The following SLC38A10 variants were observed in gnomAD, a reference collection of about 807,000 sequenced individuals.
SLC38A10 encodes the protein Sodium-coupled neutral amino acid transporter 10.
A neutral mutation model predicts 81.0 loss-of-function variants in SLC38A10; 53 were observed. The observed-to-expected ratio is 0.65, with a 90% confidence interval of 0.53 to 0.82. SLC38A10 has a LOEUF of 0.82. Ranked by LOEUF, SLC38A10 falls within the 40% of genes least tolerant of loss-of-function variation. SLC38A10 has a pLI of 0.00. For missense variants in SLC38A10, 1,471 were observed against 1,545.0 expected, an observed-to-expected ratio of 0.95 and a Z score of 0.80; for synonymous variants, 665 against 655.3, an observed-to-expected ratio of 1.01 and a Z score of -0.23.
chr17:81,270,908 C>T lies in SLC38A10; in HGVS notation c.1131+10G>A. 1 of 1,612,748 alleles carries T rather than the reference C, an allele frequency of 6.2e-7. No individual in the cohort carries two copies. The highest frequency in any genetic ancestry group is 8.5e-7 in the Non-Finnish European group (1 of 1,178,978). On this transcript the variant is annotated intron_variant, in intron 10 of 15. Transcript: ENST00000374759. The surrounding 1 kb of genome is among the most constrained non-coding windows in gnomAD (Gnocchi z 4.0). ...GCCCTCGTCCAGGCCACCCCACGAG[C>T]AGCACGCACCTGGGAGGAAAGTGCG...
chr17:81,252,126 C>T (rs2062921137), intron 13 of SLC38A10, 69 bp downstream of exon 13: 1 of 1,483,114 alleles, frequency 6.7e-7, no homozygotes, highest in Non-Finnish European at 8.9e-7. Context: ...ATCGATTCTG[C>T]TGCCCCTGCC....
Position 81,289,996 on chromosome 17 carries a change from C to T in SLC38A10, c.100-188G>A, listed in dbSNP as rs2063298052. On this transcript the variant is annotated intron_variant, in intron 1 of 15. Coordinates refer to ENST00000374759, the MANE Select transcript of SLC38A10 (RefSeq NM_001037984.3). The surrounding 1 kb of genome is among the most constrained non-coding windows in gnomAD (Gnocchi z 5.9). ...TTGCTGTGGTGGCCGCGCGCCTTGT[C>T]CAGGGATGAAGCTGTATGCGCAGAG... Among the ~76,000 whole-genome samples, 1 of 152,192 alleles carries T rather than the reference C, an allele frequency of 6.6e-6. No homozygotes were observed. Among genetic ancestry groups the T allele is most frequent in the South Asian group, 2.1e-4 (1 of 4,832 alleles).
rs1450453659 is a variant in SLC38A10 at position 81,270,847 on chromosome 17, C to G, written c.1131+71G>C. The G allele has an allele frequency of 7.5e-6, 10 of 1,342,038 alleles. No individual in the cohort carries two copies. Among genetic ancestry groups the G allele is most frequent in the Middle Eastern group, 2.0e-4 (1 of 5,080 alleles). The allele number at this position is 1,342,038 out of a possible 1,614,324, so 83.1% of individuals were successfully genotyped here. A position where few individuals can be genotyped will look rare whatever the true frequency, so the allele number is the denominator to read the frequency against. ...CTGAAAACGCTGAACCAGGGGCTTCCTCCCGCCTCCACCTCTCCCCAGCCC... is the reference window on the plus strand; with the variant it reads ...CTGAAAACGCTGAACCAGGGGCTTCGTCCCGCCTCCACCTCTCCCCAGCCC... On this transcript the variant is annotated intron_variant, in intron 10 of 15. Transcript: ENST00000374759. This position sits in a 1 kb window ranked among gnomAD's most constrained non-coding sequence, Gnocchi z 4.0.
rs1424256211 is a variant in SLC38A10, at chr17:81,286,503, C to T, written c.218-1608G>A. Among the ~76,000 whole-genome samples, 1 of 152,222 alleles carries T rather than the reference C, an allele frequency of 6.6e-6. No homozygotes were observed. Among genetic ancestry groups the T allele is most frequent in the African/African-American group, 2.4e-5 (1 of 41,438 alleles). On this transcript the variant is annotated intron_variant, in intron 2 of 15. Coordinates refer to ENST00000374759, the MANE Select transcript of SLC38A10 (RefSeq NM_001037984.3). The surrounding 1 kb of genome is among the most constrained non-coding windows in gnomAD (Gnocchi z 6.0). ...ACTTCTCCTCCCCAGGTTCAAACAC[C>T]AGCCCCAGTTGGACTGACCCCACTC...
At chr17:81,262,535 A>T (rs1246033243) in intron 10 of SLC38A10, among the ~76,000 whole-genome samples, 2 of 152,232 alleles carry the variant, frequency 1.3e-5, no homozygotes, top group Non-Finnish European at 2.9e-5. Flanking sequence ...CTGAGGGTGG[A>T]CAGAAATGAC....
rs1292510679 is a variant in SLC38A10 at position 81,288,122 on chromosome 17, C to T, written c.217+1569G>A. On this transcript the variant is annotated intron_variant, in intron 2 of 15. Transcript: ENST00000374759. This position sits in a 1 kb window ranked among gnomAD's most constrained non-coding sequence, Gnocchi z 5.4. ...CATCAGGAAGGGAGGAGAAGGAATA[C>T]ATCCCCTCCGGTTCTGAGGGCCGAA... Among the ~76,000 whole-genome samples, 2 of 152,232 alleles carry T rather than the reference C, an allele frequency of 1.3e-5. No individual in the cohort carries two copies. The highest frequency in any genetic ancestry group is 2.9e-5 in the Non-Finnish European group (2 of 68,040).
chr17:81,262,592 C>T (rs540208681), intron 10 of SLC38A10, among the ~76,000 whole-genome samples: 2 of 152,336 alleles, frequency 1.3e-5, no homozygotes, highest in Non-Finnish European at 2.9e-5. Context: ...ACTTGGACTT[C>T]CCATAACACC....
At chr17:81,271,605 C>T (rs555484396) in intron 9 of SLC38A10, among the ~76,000 whole-genome samples, 1 of 152,256 alleles carries the variant, frequency 6.6e-6, no homozygotes, top group South Asian at 2.1e-4. Flanking sequence ...AATGCATCAC[C>T]AAAATCAGAA....
Position 81,288,073 on chromosome 17 carries a change from A to G in SLC38A10, c.217+1618T>C, listed in dbSNP as rs1302847249. On this transcript the variant is annotated intron_variant, in intron 2 of 15. Transcript: ENST00000374759. This position sits in a 1 kb window ranked among gnomAD's most constrained non-coding sequence, Gnocchi z 5.4. ...CTTCACTTCCTCAAATAACAACAAG[A>G]AAAGACTCTGACAGCACCATTCTCA... Among the ~76,000 whole-genome samples the G allele has an allele frequency of 1.3e-5, 2 of 152,206 alleles. No individual in the cohort carries two copies. Among genetic ancestry groups the G allele is most frequent in the Non-Finnish European group, 2.9e-5 (2 of 68,032 alleles).
chr17:81,274,587 C>T (rs1251707424), intron 8 of SLC38A10, among the ~76,000 whole-genome samples: 1 of 152,200 alleles, frequency 6.6e-6, no homozygotes. Flanking sequence ...GGGCAGAGCT[C>T]CCAAGGGGAG....
intron 5 of SLC38A10, among the ~76,000 whole-genome samples, chr17:81,280,940 C>A (rs1268732017): frequency 6.6e-6 from 1 of 152,088 alleles, no homozygotes; most frequent in East Asian, 1.9e-4. Context: ...GGATTCCCAA[C>A]CCCTGCCTCA....
In SLC38A10 at chr17:81,272,600, C is replaced by T; in HGVS notation, c.940G>A (p.Gly314Ser). 1 of 1,559,630 alleles carries T rather than the reference C, an allele frequency of 6.4e-7. No individual in the cohort carries two copies. Among genetic ancestry groups the T allele is most frequent in the Non-Finnish European group, 8.6e-7 (1 of 1,158,036 alleles). The change falls in exon 9 of 16, where the codon GGC becomes AGC. Residue 314 changes from glycine (G) to serine (S), a missense_variant. Gly to Ser is a moderately conservative substitution (Grantham distance 56). Around this residue, in one of 2 missense-constraint regions of SLC38A10, gnomAD observed 720 missense variants for 827.7 expected, o/e 0.87. Coordinates refer to ENST00000374759, the MANE Select transcript of SLC38A10 (RefSeq NM_001037984.3). ...TTAAACCGGAGAGGGGGCATGTAGC[C>T]CCCTGCTGCAAAGGTGCCATCTTTT... ...QQKDGTFAAG[G>S]YMPPLRFKAL...
chr17:81,256,277 T>C (rs575634321), intron 11 of SLC38A10, among the ~76,000 whole-genome samples: 1 of 152,320 alleles, frequency 6.6e-6, no homozygotes, highest in East Asian at 1.9e-4. Context: ...GAGTCAGACA[T>C]GCTCGGGGAC....
At position 81,271,136 on chromosome 17, in the gene SLC38A10, G is replaced by A. The variant is rs748367040; in HGVS notation, c.1025-112C>T. The A allele has an allele frequency of 1.0e-4, 90 of 866,128 alleles. No homozygotes were observed. In the East Asian group the frequency reaches 1.1e-3, roughly 10 times the overall value. The allele number at this position is 866,128 out of a possible 1,614,324, so 53.7% of individuals were successfully genotyped here. A position where few individuals can be genotyped will look rare whatever the true frequency, so the allele number is the denominator to read the frequency against. On this transcript the variant is annotated intron_variant, in intron 9 of 15. Transcript: ENST00000374759. ...GCAAGCCAGCATTGAAGGAAATGCCGTCTAGGCGTGAGCCGGGAGCAGAGA... is the reference window on the plus strand; with the variant it reads ...GCAAGCCAGCATTGAAGGAAATGCCATCTAGGCGTGAGCCGGGAGCAGAGA...
chr17:81,251,896 G>A (rs761221704), intron 13 of SLC38A10: 16 of 517,740 alleles, frequency 3.1e-5, no homozygotes, highest in Non-Finnish European at 4.5e-5. Context: ...TTAACAACGT[G>A]TTACCTGTCA....
Position 81,253,063 on chromosome 17 carries a change from T to C in SLC38A10, c.1456+10A>G. Reference sequence around the variant, plus strand: ...CTTCCCCATCCGCACCCCCAGCCAGTGCCCAGCACCTTGCCCAGGGCGATC... The same window carrying C: ...CTTCCCCATCCGCACCCCCAGCCAGCGCCCAGCACCTTGCCCAGGGCGATC... On this transcript the variant is annotated intron_variant, in intron 12 of 15. Transcript: ENST00000374759. This position sits in a 1 kb window ranked among gnomAD's most constrained non-coding sequence, Gnocchi z 4.1. 1 of 1,611,034 alleles carries C rather than the reference T, an allele frequency of 6.2e-7. No individual in the cohort carries two copies. Among genetic ancestry groups the C allele is most frequent in the Non-Finnish European group, 8.5e-7 (1 of 1,179,314 alleles).
At position 81,276,925 on chromosome 17, in the gene SLC38A10, C is replaced by T; in HGVS notation, c.729+106G>A. On this transcript the variant is annotated intron_variant, in intron 7 of 15. Transcript: ENST00000374759. The surrounding 1 kb of genome is among the most constrained non-coding windows in gnomAD (Gnocchi z 4.7). ...TGGGATGGGAACAGAGAGAAAAACCCAGCAGCACACAGGGCCAGGGCCATG... is the reference window on the plus strand; with the variant it reads ...TGGGATGGGAACAGAGAGAAAAACCTAGCAGCACACAGGGCCAGGGCCATG... 1 of 1,163,292 alleles carries T rather than the reference C, an allele frequency of 8.6e-7. No homozygotes were observed. Among genetic ancestry groups the T allele is most frequent in the Non-Finnish European group, 1.3e-6 (1 of 786,546 alleles). The allele number at this position is 1,163,292 out of a possible 1,614,324, so 72.1% of individuals were successfully genotyped here. A position where few individuals can be genotyped will look rare whatever the true frequency, so the allele number is the denominator to read the frequency against.
Position 81,289,479 on chromosome 17 carries a change from C to T in SLC38A10, c.217+212G>A, listed in dbSNP as rs2063292981. Among the ~76,000 whole-genome samples, 1 of 151,764 alleles carries T rather than the reference C, an allele frequency of 6.6e-6. No homozygotes were observed. The highest frequency in any genetic ancestry group is 6.6e-5 in the Admixed American group (1 of 15,232). On this transcript the variant is annotated intron_variant, in intron 2 of 15. Transcript: ENST00000374759. This position sits in a 1 kb window ranked among gnomAD's most constrained non-coding sequence, Gnocchi z 5.9. ...CCTCAGACTCCTAGGCTCAGGTGAT[C>T]CTCCCACCTCAGCCTCCCAAATAGT...
Position 81,289,262 on chromosome 17 carries a change from G to T in SLC38A10, c.217+429C>A, listed in dbSNP as rs2063291525. On this transcript the variant is annotated intron_variant, in intron 2 of 15. Coordinates refer to ENST00000374759, the MANE Select transcript of SLC38A10 (RefSeq NM_001037984.3). The surrounding 1 kb of genome is among the most constrained non-coding windows in gnomAD (Gnocchi z 5.9). The stretch of plus-strand genomic sequence containing the variant: ...TCACCATGTTGTCCAGGCTCGTCTC[G>T]AACTCCTGACCTCAAATAATCCGCC... Among the ~76,000 whole-genome samples the T allele has an allele frequency of 6.6e-6, 1 of 151,902 alleles. No homozygotes were observed. Among genetic ancestry groups the T allele is most frequent in the South Asian group, 2.1e-4 (1 of 4,814 alleles).
Sources: gnomAD v4.1 joint callset for allele counts (sites outside exome capture counted in the v4.1 genomes callset) on GRCh38, gnomAD v4.1.1 for gene constraint, gnomAD v4.1.1 regional missense constraint, Gnocchi (gnomAD v3.1) non-coding constraint, MANE v1.5 for transcripts, NCBI Gene and HGNC (gene_info 2026-07-23, HGNC 2026-07-21) for gene names.